The following WNT7B variants were observed in gnomAD, a reference collection of about 807,000 sequenced individuals.
WNT7B encodes the protein Wnt family member 7B, also known as protein Wnt-7b.
A neutral mutation model predicts 38.2 loss-of-function variants in WNT7B; 19 were observed. The observed-to-expected ratio is 0.50, with a 90% CI of 0.35 to 0.73. The LOEUF is 0.73. Ranked by LOEUF, WNT7B falls within the 30% of genes least tolerant of loss-of-function variation. The probability of loss-of-function intolerance (pLI) is 0.01; values close to 1 mark genes in which losing one functional copy is unlikely to be tolerated. For synonymous variants in WNT7B, 243 were observed against 209.3 expected (o/e 1.16, Z -1.39); for missense variants, 423 against 507.9 (o/e 0.83, Z 1.61).
In WNT7B at chr22:45,966,399, C is replaced by T. The variant is rs932966193; in HGVS notation, c.71+10285G>A. Among the ~76,000 whole-genome samples, 12 of 152,304 alleles carry T rather than the reference C, an allele frequency of 7.9e-5. No individual in the cohort carries two copies. The highest frequency in any genetic ancestry group is 2.2e-4 in the African/African-American group (9 of 41,556). On this transcript the variant is annotated intron_variant, in intron 1 of 3. Coordinates refer to ENST00000339464, the MANE Select transcript of WNT7B (RefSeq NM_058238.3). This position sits in a 1 kb window ranked among gnomAD's most constrained non-coding sequence, Gnocchi z 4.2. ...CTGAGACACCACCAGTCCTTGTGCCCGGGCTCCCTCCGGCCTGGCCCATTC... is the reference window on the plus strand; with the variant it reads ...CTGAGACACCACCAGTCCTTGTGCCTGGGCTCCCTCCGGCCTGGCCCATTC...
intron 3 of WNT7B, chr22:45,927,125 G>A (rs913810621): frequency 2.0e-6 from 2 of 985,342 alleles, no homozygotes; most frequent in Non-Finnish European, 2.4e-6. Flanking sequence ...GTTGGTCTTG[G>A]GGGCATGGCC....
chr22:45,962,807 G>A (rs534988461), intron 1 of WNT7B, among the ~76,000 whole-genome samples: 13 of 152,214 alleles, frequency 8.5e-5, no homozygotes, highest in Admixed American at 1.3e-4. Context: ...ACGCAGGGGC[G>A]CCTTGCAGGC....
chr22:45,930,459 A>AGCCCAGTATCTGCG (rs1931306144), intron 3 of WNT7B, among the ~76,000 whole-genome samples: 2 of 152,152 alleles, frequency 1.3e-5, no homozygotes, highest in African/African-American at 4.8e-5. Flanking sequence ...GCCGCCGTGC[A>AGCCCAGTATCTGCG]GCTGCTCCTC....
chr22:45,926,568 G>A (rs558203721), intron 3 of WNT7B: 18 of 985,404 alleles, frequency 1.8e-5, no homozygotes, highest in Admixed American at 1.2e-4. Context: ...GGAGCCTGGC[G>A]TCCGATATTC....
At chr22:45,930,201 C>T (rs1256559256) in intron 3 of WNT7B, among the ~76,000 whole-genome samples, 1 of 152,268 alleles carries the variant, frequency 6.6e-6, no homozygotes, top group Non-Finnish European at 1.5e-5. Context: ...ACAGCCAGGG[C>T]CCTGATTCCT....
intron 2 of WNT7B, among the ~76,000 whole-genome samples, chr22:45,931,709 G>T (rs981988749): frequency 2.0e-5 from 3 of 152,182 alleles, no homozygotes; most frequent in Admixed American, 2.0e-4. Flanking sequence ...GAGAGGCCCA[G>T]TTTCTCCAGC....
At chr22:45,934,431 G>A (rs1395987329) in intron 2 of WNT7B, among the ~76,000 whole-genome samples, 1 of 152,160 alleles carries the variant, frequency 6.6e-6, no homozygotes, top group African/African-American at 2.4e-5. Context: ...GCTCTGGAGT[G>A]GGCATGTGTC....
In WNT7B at chr22:45,970,884, C is replaced by A. The variant is rs77636640; in HGVS notation, c.71+5800G>T. ...GCATGCGCCCTGCTGCCCCGCCCCC[C>A]TCAGGCGATGCCTCCGCAGCCGGGG... On this transcript the variant is annotated intron_variant, in intron 1 of 3. Transcript: ENST00000339464. Among the ~76,000 whole-genome samples, 232 of 152,370 alleles carry A rather than the reference C, an allele frequency of 1.5e-3. 1 individual carries two copies. The highest frequency in any genetic ancestry group is 5.4e-3 in the African/African-American group (225 of 41,592).
At position 45,935,472 on chromosome 22, in the gene WNT7B, C is replaced by T. The variant is rs913894691; in HGVS notation, c.299-4103G>A. ...TGCCGCCTGCCCTGGGGGACAGCAG[C>T]CCCCTCCCTTCCTGGAATACCTGCC... On this transcript the variant is annotated intron_variant, in intron 2 of 3. Coordinates refer to ENST00000339464, the MANE Select transcript of WNT7B (RefSeq NM_058238.3). Among the ~76,000 whole-genome samples the T allele has an allele frequency of 2.6e-5, 4 of 152,292 alleles. No individual in the cohort carries two copies. The South Asian group carries it at 6.2e-4, about 24-fold the overall frequency.
rs372030151 is a variant in WNT7B at position 45,960,786 on chromosome 22, C to A, written c.72-10640G>T. Among the ~76,000 whole-genome samples the A allele has an allele frequency of 2.0e-5, 3 of 152,370 alleles. No individual in the cohort carries two copies. The East Asian group carries it at 5.8e-4, about 29-fold the overall frequency. ...GGACAGCACCTGGCCTCCGTACCCA[C>A]CCAGGGCCGAGTCCTCGCCAGCCTC... On this transcript the variant is annotated intron_variant, in intron 1 of 3. Transcript: ENST00000339464.
At chr22:45,928,565 T>C (rs917902315) in intron 3 of WNT7B, among the ~76,000 whole-genome samples, 2 of 152,020 alleles carry the variant, frequency 1.3e-5, no homozygotes, top group African/African-American at 4.8e-5. Flanking sequence ...CCCTTTCCTG[T>C]GGCTGTCCTC....
intron 2 of WNT7B, 33 bp from the exon 3 acceptor site, chr22:45,931,402 C>A: frequency 6.5e-7 from 1 of 1,548,620 alleles, no homozygotes; most frequent in Non-Finnish European, 8.7e-7. Flanking sequence ...AAGGTGAGAC[C>A]CCAGGCCCTG....
intron 3 of WNT7B, chr22:45,926,113 G>A (rs959041216): frequency 2.5e-5 from 25 of 985,348 alleles, no homozygotes; most frequent in Non-Finnish European, 3.0e-5. Flanking sequence ...GCCGCTGCTT[G>A]CAGAGCGAGG....
rs1431086191 is a variant in WNT7B, at chr22:45,965,515, C to T, written c.71+11169G>A. Among the ~76,000 whole-genome samples, 2 of 152,138 alleles carry T rather than the reference C, an allele frequency of 1.3e-5. No individual in the cohort carries two copies. The highest frequency in any genetic ancestry group is 2.9e-5 in the Non-Finnish European group (2 of 68,014). On this transcript the variant is annotated intron_variant, in intron 1 of 3. Coordinates refer to ENST00000339464, the MANE Select transcript of WNT7B (RefSeq NM_058238.3). The surrounding 1 kb of genome is among the most constrained non-coding windows in gnomAD (Gnocchi z 6.5). ...GGACCTGGGGGAGCATCCAGACCCA[C>T]CACCCAGATGGGGAAACTGAGGCCC...
In WNT7B at chr22:45,965,356, T is replaced by C. The variant is rs532078623; in HGVS notation, c.71+11328A>G. Among the ~76,000 whole-genome samples, 3 of 152,254 alleles carry C rather than the reference T, an allele frequency of 2.0e-5. No individual in the cohort carries two copies. Among genetic ancestry groups the C allele is most frequent in the African/African-American group, 7.2e-5 (3 of 41,544 alleles). On this transcript the variant is annotated intron_variant, in intron 1 of 3. Transcript: ENST00000339464. The surrounding 1 kb of genome is among the most constrained non-coding windows in gnomAD (Gnocchi z 6.5). ...CGCTGGAAGGCAGGGCGGTAGGGAC[T>C]TTCCTTCCCAGTCACACCTGCACAC... is the stretch of plus-strand genomic sequence containing the variant.
chr22:45,956,237 T>C (rs527552775), intron 1 of WNT7B, among the ~76,000 whole-genome samples: 20 of 152,170 alleles, frequency 1.3e-4, no homozygotes, highest in Non-Finnish European at 2.1e-4. Flanking sequence ...CTCTGTCAGA[T>C]GGGAGTGATA....
intron 1 of WNT7B, among the ~76,000 whole-genome samples, chr22:45,970,704 T>C (rs546138200): frequency 5.4e-4 from 82 of 152,368 alleles, no homozygotes; most frequent in African/African-American, 1.7e-3. Context: ...GCCAGGATTC[T>C]GGGGAGGGGG....
chr22:45,944,966 AC>A (rs1931759420), intron 2 of WNT7B, among the ~76,000 whole-genome samples: 1 of 152,032 alleles, frequency 6.6e-6, no homozygotes, highest in Non-Finnish European at 1.5e-5. Context: ...ACTTTGGGCC[AC>A]CCCCTCCTGT....
intron 2 of WNT7B, chr22:45,935,885 T>C: frequency 1.0e-6 from 1 of 985,116 alleles, no homozygotes; most frequent in African/African-American, 1.7e-5. Context: ...GGAAGCTGGA[T>C]GAGGGCAGCA....
Sources: allele counts gnomAD v4.1 joint callset (sites outside exome capture counted in the v4.1 genomes callset), GRCh38; gene constraint gnomAD v4.1.1; non-coding constraint Gnocchi (gnomAD v3.1); transcripts MANE v1.5; gene names NCBI Gene and HGNC (gene_info 2026-07-23, HGNC 2026-07-21).